Variants in STAT5B observed in about 807,000 individuals in gnomAD.
The protein encoded by STAT5B is transcription factor STAT5B.
STAT5B carries 21 observed loss-of-function variants against 107.8 expected under a neutral mutation model. That is an observed-to-expected ratio of 0.19 (90% CI 0.14 to 0.28). The LOEUF (loss-of-function observed/expected upper bound fraction) is 0.28. Ranked by LOEUF, STAT5B falls within the 10% of genes least tolerant of loss-of-function variation. The pLI is 1.00. For synonymous variants in STAT5B, 325 were observed against 401.7 expected (o/e 0.81, Z 2.28); for missense variants, 565 against 1,008.2 (o/e 0.56, Z 5.95).
intron 3 of STAT5B, among the ~76,000 whole-genome samples, chr17:42,225,449 T>C (rs992381291): frequency 6.6e-6 from 1 of 152,126 alleles, no homozygotes; most frequent in African/African-American, 2.4e-5. Context: ...CAATCAAAAC[T>C]ACTACCACCA....
chr17:42,238,090 T>C (rs2080370452), intron 1 of STAT5B, among the ~76,000 whole-genome samples: 1 of 143,520 alleles, frequency 7.0e-6, no homozygotes, highest in African/African-American at 2.6e-5. Flanking sequence ...CAGTATAAAC[T>C]TTTCTATCCA....
intron 15 of STAT5B, among the ~76,000 whole-genome samples, chr17:42,208,377 G>A (rs987950817): frequency 3.3e-5 from 5 of 151,810 alleles, no homozygotes; most frequent in African/African-American, 9.7e-5. Flanking sequence ...GCACTCATCC[G>A]TAGTCCCAGG....
chr17:42,278,406 A>T (rs945598402), upstream of STAT5B, among the ~76,000 whole-genome samples: 1 of 152,236 alleles, frequency 6.6e-6, no homozygotes, highest in African/African-American at 2.4e-5. Flanking sequence ...CTATGCAGTC[A>T]TTAAGAGGAC....
chr17:42,277,122 A>G, upstream of STAT5B, among the ~76,000 whole-genome samples: 1 of 152,350 alleles, frequency 6.6e-6, no homozygotes, highest in East Asian at 1.9e-4. Context: ...TGTAGGATCC[A>G]GGGGAAGGGG....
chr17:42,214,448 C>CT, intron 12 of STAT5B: 1 of 985,394 alleles, frequency 1.0e-6, no homozygotes, highest in Non-Finnish European at 1.2e-6. Flanking sequence ...CAGTAAAATA[C>CT]TTTTTCTCTA....
At chr17:42,263,916 A>C (rs1421240583) in intron 1 of STAT5B, among the ~76,000 whole-genome samples, 1 of 142,412 alleles carries the variant, frequency 7.0e-6, no homozygotes, top group African/African-American at 2.6e-5. Context: ...CACACAGGGA[A>C]CTCCACGACC....
At chr17:42,248,228 T>C (rs979670534) in intron 1 of STAT5B, among the ~76,000 whole-genome samples, 3 of 150,508 alleles carry the variant, frequency 2.0e-5, no homozygotes, top group Admixed American at 6.6e-5. Flanking sequence ...TGAGCCGTGA[T>C]TGTGTCGCTG....
chr17:42,205,499 G>C (rs1020882881), intron 16 of STAT5B, among the ~76,000 whole-genome samples: 3 of 152,096 alleles, frequency 2.0e-5, no homozygotes, highest in Admixed American at 6.6e-5. Context: ...CCCTCCTGAG[G>C]CTTTCCAGAC....
intron 1 of STAT5B, among the ~76,000 whole-genome samples, chr17:42,253,925 T>A (rs111382829): frequency 2.0e-5 from 3 of 152,156 alleles, no homozygotes; most frequent in Non-Finnish European, 4.4e-5. Flanking sequence ...AAATAAATTT[T>A]AAAAATAACT....
In STAT5B at chr17:42,260,870, C is replaced by T. The variant is rs932808993; in HGVS notation, c.-11+15378G>A. ...GCTGGTCTAGAACATAAATATTCCA[C>T]ATACTGTACACAATTATTGCTTAGT... On this transcript the variant is annotated intron_variant, in intron 1 of 18. Coordinates refer to ENST00000293328, the MANE Select transcript of STAT5B (RefSeq NM_012448.4). Among the ~76,000 whole-genome samples, 54 of 151,708 alleles carry T rather than the reference C, an allele frequency of 3.6e-4. 2 individuals are homozygous for T. The highest frequency in any genetic ancestry group is 3.5e-3 in the Admixed American group (53 of 15,248).
At chr17:42,258,574 G>A (rs1489325224) in intron 1 of STAT5B, among the ~76,000 whole-genome samples, 2 of 152,240 alleles carry the variant, frequency 1.3e-5, no homozygotes, top group Admixed American at 6.5e-5. Context: ...AGCTATCTGG[G>A]AGGCTGAGGC....
Position 42,200,419 on chromosome 17 carries a change from A to C in STAT5B, c.*1319T>G, listed in dbSNP as rs962036192. 14 of 152,510 alleles carry C rather than the reference A, an allele frequency of 9.2e-5. No individual in the cohort carries two copies. Among genetic ancestry groups the C allele is most frequent in the African/African-American group, 3.4e-4 (14 of 41,416 alleles). 9.4% of individuals were successfully genotyped at this position (152,510 alleles called of 1,614,324 possible). A position where few individuals can be genotyped will look rare whatever the true frequency, so the allele number is the denominator to read the frequency against. On this transcript the variant is annotated 3_prime_UTR_variant, in exon 19 of 19. Transcript: ENST00000293328. ...TAGCCCATTCCTTCCTTCTGGTGTAAAGCTACAGAAGAAGTCGTGGAACAA... is the reference window on the plus strand; with the variant it reads ...TAGCCCATTCCTTCCTTCTGGTGTACAGCTACAGAAGAAGTCGTGGAACAA...
At chr17:42,213,653 G>A (rs1304675449) in intron 12 of STAT5B, among the ~76,000 whole-genome samples, 1 of 151,446 alleles carries the variant, frequency 6.6e-6, no homozygotes, top group Non-Finnish European at 1.5e-5. Context: ...TCAGCCTCCC[G>A]AGTAGCTGGG....
intron 8 of STAT5B, 117 bp from the exon 9 acceptor site, chr17:42,218,447 C>T (rs867375241): frequency 6.8e-7 from 1 of 1,481,446 alleles, no homozygotes; most frequent in Middle Eastern, 2.5e-4. Flanking sequence ...GTGAAGAGCT[C>T]GGGCACAGCC....
intron 1 of STAT5B, among the ~76,000 whole-genome samples, chr17:42,275,843 A>G (rs2080760441): frequency 6.6e-6 from 1 of 152,070 alleles, no homozygotes; most frequent in African/African-American, 2.4e-5. Context: ...GAAAGAAAGA[A>G]GTTAAAGCAA....
chr17:42,278,685 T>A (rs555898143), upstream of STAT5B, among the ~76,000 whole-genome samples: 26 of 152,160 alleles, frequency 1.7e-4, no homozygotes, highest in South Asian at 2.9e-3. Context: ...ATTAATTTTT[T>A]AAAATTATTT....
chr17:42,202,671 A>C, intron 17 of STAT5B, 86 bp downstream of exon 17: 5 of 1,606,984 alleles, frequency 3.1e-6, no homozygotes, highest in Non-Finnish European at 4.3e-6. Flanking sequence ...GGGGAGCGGA[A>C]AGCTGGGCCA....
rs1164144661 is a variant in STAT5B, at chr17:42,276,353, T to G, written c.-116A>C. 33 of 146,328 alleles carry G rather than the reference T, an allele frequency of 2.3e-4. No individual in the cohort carries two copies. Among genetic ancestry groups the G allele is most frequent in the Admixed American group, 2.0e-3 (30 of 14,766 alleles). 9.1% of individuals were successfully genotyped at this position (146,328 alleles called of 1,614,324 possible). A position where few individuals can be genotyped will look rare whatever the true frequency, so the allele number is the denominator to read the frequency against. ...GGCCGGGCCGCCGCGCGGAGTTGCC[T>G]GCGCTGGGTCCCCGCCCGGGGTGAC... On this transcript the variant is annotated 5_prime_UTR_variant, in exon 1 of 19. Coordinates refer to ENST00000293328, the MANE Select transcript of STAT5B (RefSeq NM_012448.4). The surrounding 1 kb of genome is among the most constrained non-coding windows in gnomAD (Gnocchi z 4.8).
chr17:42,279,005 CAG>C (rs1427392245), upstream of STAT5B, among the ~76,000 whole-genome samples: 1 of 150,184 alleles, frequency 6.7e-6, no homozygotes, highest in Admixed American at 6.6e-5. Context: ...TTTGTAAAGA[CAG>C]GGTCTCATTA....
Sources: gnomAD v4.1 joint callset for allele counts (sites outside exome capture counted in the v4.1 genomes callset) on GRCh38, gnomAD v4.1.1 for gene constraint, Gnocchi (gnomAD v3.1) non-coding constraint, MANE v1.5 for transcripts, NCBI Gene and HGNC (gene_info 2026-07-23, HGNC 2026-07-21) for gene names.